Variants in PARP4 observed in about 807,000 individuals in gnomAD.
PARP4 encodes protein mono-ADP-ribosyltransferase PARP4.
A neutral mutation model predicts 187.7 loss-of-function variants in PARP4; 120 were observed. The ratio of observed to expected loss-of-function variants is 0.64; its 90% confidence interval spans 0.55 to 0.74. PARP4 has a LOEUF of 0.74. PARP4 is among the 30% of genes least tolerant of loss of function. The pLI is 0.00. For synonymous variants in PARP4, 654 were observed against 740.9 expected (o/e 0.88, Z 1.90); for missense variants, 1,836 against 2,070.5 (o/e 0.89, Z 2.20).
chr13:24,483,065 A>C (rs1461474734), intron 12 of PARP4, among the ~76,000 whole-genome samples: 4 of 151,578 alleles, frequency 2.6e-5, no homozygotes, highest in African/African-American at 4.9e-5. Context: ...TTGTCTCCCA[A>C]GCTGGATGTA....
chr13:24,505,891 G>A (rs1156596284), intron 1 of PARP4, among the ~76,000 whole-genome samples: 3 of 152,256 alleles, frequency 2.0e-5, no homozygotes, highest in East Asian at 3.8e-4. Flanking sequence ...AGGCAGGTCA[G>A]GTTCTCTGCC....
At chr13:24,505,854 G>A (rs1020596003) in intron 1 of PARP4, among the ~76,000 whole-genome samples, 4 of 152,236 alleles carry the variant, frequency 2.6e-5, no homozygotes, top group East Asian at 3.8e-4. Flanking sequence ...TGAGGATCGC[G>A]GTTCCGGGTC....
intron 15 of PARP4, among the ~76,000 whole-genome samples, chr13:24,474,156 A>C (rs1169517080): frequency 6.6e-6 from 1 of 151,546 alleles, no homozygotes; most frequent in Non-Finnish European, 1.5e-5. Flanking sequence ...CAGGGCAAAC[A>C]CTCTGCTGTC....
At position 24,499,370 on chromosome 13, in the gene PARP4, A is replaced by C. The variant is rs139683851; in HGVS notation, c.408T>G (p.Gly136=). ...EEDTVELTEF[G]MQNVEIPHLP... The stretch of plus-strand genomic sequence containing the variant: ...GATGAGGAATTTCAACATTCTGCAT[A>C]CCAAACCTGAAATTTGTAGTGTATA... Residue 136 remains glycine (G), a synonymous_variant, in exon 5 of 34, where the codon GGT becomes GGG. Transcript: ENST00000381989. The C allele has an allele frequency of 6.3e-7, 1 of 1,579,782 alleles. No homozygotes were observed. Among genetic ancestry groups the C allele is most frequent in the African/African-American group, 1.4e-5 (1 of 72,826 alleles).
intron 12 of PARP4, 115 bp from the exon 13 acceptor site, chr13:24,478,391 C>T (rs1357087966): frequency 7.1e-6 from 4 of 564,278 alleles, no homozygotes; most frequent in Non-Finnish European, 1.2e-5. Context: ...ATTGAAATAT[C>T]TCCAAAGACT....
intron 24 of PARP4, 133 bp downstream of exon 24, chr13:24,452,273 G>C (rs543332661): frequency 3.3e-5 from 23 of 687,840 alleles, no homozygotes; most frequent in Non-Finnish European, 5.5e-5. Flanking sequence ...CTGGGAGCCC[G>C]GAGCCCCATC....
At chr13:24,475,899 C>G (rs1345521413) in intron 14 of PARP4, among the ~76,000 whole-genome samples, 2 of 151,960 alleles carry the variant, frequency 1.3e-5, no homozygotes, top group Non-Finnish European at 2.9e-5. Context: ...ATCCTCCTGT[C>G]TCAGCCTCCC....
intron 23 of PARP4, among the ~76,000 whole-genome samples, chr13:24,453,258 T>C (rs187459990): frequency 1.4e-4 from 19 of 138,114 alleles, no homozygotes; most frequent in East Asian, 5.8e-4. Flanking sequence ...TTCTTTCTTT[T>C]TTTTTTTTAA....
Position 24,469,878 on chromosome 13 carries a change from C to T in PARP4, c.2046+16G>A. 6.2e-7 allele frequency: 1 copy of T among 1,607,042 alleles called. No individual in the cohort carries two copies. The highest frequency in any genetic ancestry group is 1.1e-5 in the South Asian group (1 of 90,498). ...TTGAAAGCCGAGAGCGGGCACGATGCATCTTCTTGCCTTACCTCTCCAACT... is the reference window on the plus strand; with the variant it reads ...TTGAAAGCCGAGAGCGGGCACGATGTATCTTCTTGCCTTACCTCTCCAACT... On this transcript the variant is annotated intron_variant, in intron 16 of 33. Coordinates refer to ENST00000381989, the MANE Select transcript of PARP4 (RefSeq NM_006437.4).
chr13:24,504,882 C>T (rs1258757833), intron 1 of PARP4, among the ~76,000 whole-genome samples: 1 of 151,384 alleles, frequency 6.6e-6, no homozygotes, highest in African/African-American at 2.4e-5. Flanking sequence ...TTAGTAGAGT[C>T]GGGGGTTTTA....
Position 24,494,656 on chromosome 13 carries a change from C to T in PARP4, c.658G>A (p.Glu220Lys), listed in dbSNP as rs755384511. 4 of 1,609,494 alleles carry T rather than the reference C, an allele frequency of 2.5e-6. No individual in the cohort carries two copies. The African/African-American group carries it at 5.3e-5, about 22-fold the overall frequency. The stretch of plus-strand genomic sequence containing the variant: ...AGAAATCCTTGTTTCTTCAGTTCTT[C>T]AATGTAATTTTCAAAGTATTCACTT... ...DASEYFENYI[E>K]ELKKQGFLLR... Residue 220 changes from glutamate to lysine, a missense_variant, in exon 7 of 34, where the codon GAA becomes AAA. Physicochemically the swap from Glu to Lys is moderately conservative, Grantham distance 56 (BLOSUM62 1). Transcript: ENST00000381989.
chr13:24,497,571 G>A (rs1347249357), intron 6 of PARP4, among the ~76,000 whole-genome samples: 2 of 152,012 alleles, frequency 1.3e-5, no homozygotes, highest in Non-Finnish European at 1.5e-5. Context: ...CAGGGGGTGA[G>A]GTCCTCACCT....
At chr13:24,477,997 A>T in intron 13 of PARP4, 96 bp downstream of exon 13, 1 of 1,082,848 alleles carries the variant, frequency 9.2e-7, no homozygotes, top group Non-Finnish European at 1.3e-6. Context: ...ACAATTATTT[A>T]AACTTAAGCA....
At chr13:24,459,456 A>C (rs1397430093) in intron 18 of PARP4, 146 bp from the exon 19 acceptor site, 1 of 701,102 alleles carries the variant, frequency 1.4e-6, no homozygotes, top group Non-Finnish European at 2.2e-6. Flanking sequence ...AAGTTTGCTC[A>C]TGGAATGACA....
Position 24,488,975 on chromosome 13 carries a change from C to T in PARP4, c.1214+1693G>A, listed in dbSNP as rs541948074. Among the ~76,000 whole-genome samples, 223 of 152,286 alleles carry T rather than the reference C, an allele frequency of 1.5e-3. 8 individuals are homozygous for T. In the South Asian group the frequency reaches 0.045, roughly 31 times the overall value. On this transcript the variant is annotated intron_variant, in intron 10 of 33. Coordinates refer to ENST00000381989, the MANE Select transcript of PARP4 (RefSeq NM_006437.4). ...CACCCATTTGTAGTATGTGTCAGTG[C>T]TTCATTACTTTTTCATGGCCGAATA...
intron 26 of PARP4, 89 bp from the exon 27 acceptor site, chr13:24,446,850 C>A (rs1372322202): frequency 7.4e-7 from 1 of 1,356,140 alleles, no homozygotes; most frequent in African/African-American, 1.4e-5. Context: ...GATTTTCTCT[C>A]CCCTTTCAAT....
intron 12 of PARP4, among the ~76,000 whole-genome samples, chr13:24,480,221 T>C (rs1873204229): frequency 6.6e-6 from 1 of 152,234 alleles, no homozygotes; most frequent in Admixed American, 6.5e-5. Flanking sequence ...CAACAATCTG[T>C]GCCCATACAA....
At chr13:24,507,201 C>T (rs547655280) in intron 1 of PARP4, among the ~76,000 whole-genome samples, 7 of 152,344 alleles carry the variant, frequency 4.6e-5, no homozygotes, top group African/African-American at 1.4e-4. Context: ...CTGAAGGAGC[C>T]GGCTCCGGCC....
intron 32 of PARP4, among the ~76,000 whole-genome samples, 182 bp downstream of exon 32, chr13:24,431,195 T>G (rs1019621294): frequency 4.6e-5 from 7 of 152,198 alleles, no homozygotes; most frequent in African/African-American, 1.7e-4. Context: ...TAATTAGTGG[T>G]AAAAATATGA....
Sources: gnomAD v4.1 joint callset for allele counts (sites outside exome capture counted in the v4.1 genomes callset) on GRCh38, gnomAD v4.1.1 for gene constraint, MANE v1.5 for transcripts, NCBI Gene and HGNC (gene_info 2026-07-23, HGNC 2026-07-21) for gene names.